DIAPH2: variants seen among roughly 807,000 people sequenced by gnomAD.
DIAPH2 encodes protein diaphanous homolog 2.
In DIAPH2, 35 loss-of-function variants were observed where a neutral mutation model predicts 92.7. That is an observed-to-expected ratio of 0.38 (90% CI 0.29 to 0.50). DIAPH2 has a LOEUF of 0.50. Ranked by LOEUF, DIAPH2 falls within the 20% of genes least tolerant of loss-of-function variation. DIAPH2 has a pLI of 0.94. For missense variants in DIAPH2, 701 were observed against 819.5 expected (o/e 0.86, Z 1.77); for synonymous variants, 301 against 280.4 (o/e 1.07, Z -0.73).
At chrX:97,456,468 C>A (rs1160931893) in intron 26 of DIAPH2, among the ~76,000 whole-genome samples, 2 of 111,213 alleles carry the variant, frequency 1.8e-5, no homozygotes, top group Non-Finnish European at 3.8e-5. Context: ...TATCCTATGT[C>A]TAGCTGGGGA....
At chrX:97,585,078 T>C (rs1216788888) in intron 26 of DIAPH2, among the ~76,000 whole-genome samples, 4 of 111,856 alleles carry the variant, frequency 3.6e-5, no homozygotes, top group African/African-American at 9.8e-5. Flanking sequence ...TTACGTAATA[T>C]AAAAGCAAAT....
At chrX:97,599,043 A>T (rs1460152507) in intron 26 of DIAPH2, among the ~76,000 whole-genome samples, 1 of 112,252 alleles carries the variant, frequency 8.9e-6, no homozygotes, top group Non-Finnish European at 1.9e-5. Flanking sequence ...TTACCAAGAA[A>T]AGTCATTTAT....
chrX:96,964,537 C>G lies in DIAPH2; in HGVS notation c.1936-556C>G, dbSNP rs1024591502. Among the ~76,000 whole-genome samples, 4 of 111,813 alleles carry G rather than the reference C, an allele frequency of 3.6e-5. No homozygotes were observed. The Admixed American group carries it at 3.8e-4, about 11-fold the overall frequency. On this transcript the variant is annotated intron_variant, in intron 16 of 26. Transcript: ENST00000324765. ...TTTAAAATCCCAGCTCTGCCATTTA[C>G]TAATTTGGGCAGCCACTTAAACTTT...
intron 22 of DIAPH2, among the ~76,000 whole-genome samples, chrX:97,176,873 C>T (rs2067496852): frequency 8.9e-6 from 1 of 111,835 alleles, no homozygotes; most frequent in East Asian, 2.8e-4. Flanking sequence ...TTCGTGGATG[C>T]TCAAGTTCTT....
At chrX:97,034,595 T>C (rs1305244360) in intron 17 of DIAPH2, among the ~76,000 whole-genome samples, 1 of 110,877 alleles carries the variant, frequency 9.0e-6, no homozygotes, top group Non-Finnish European at 1.9e-5. Flanking sequence ...ACTACCATCA[T>C]GTAACGATTT....
chrX:97,372,329 A>C (rs1356720654), intron 24 of DIAPH2, among the ~76,000 whole-genome samples: 1 of 112,494 alleles, frequency 8.9e-6, no homozygotes, highest in East Asian at 2.8e-4. Context: ...TCTTGTTTTT[A>C]ATAATTCACC....
intron 5 of DIAPH2, chrX:96,884,448 T>A (rs770578349): frequency 8.3e-7 from 1 of 1,211,323 alleles, no homozygotes; most frequent in Non-Finnish European, 1.1e-6. Context: ...TTCAGGACGT[T>A]GTACCGTGTA....
chrX:96,815,038 G>A (rs772544443), intron 4 of DIAPH2, among the ~76,000 whole-genome samples: 5 of 112,369 alleles, frequency 4.4e-5, no homozygotes, highest in East Asian at 2.8e-4. Context: ...TCAAACCTCC[G>A]TGCTGGGAGA....
At chrX:96,790,314 G>T (rs866486772) in intron 4 of DIAPH2, among the ~76,000 whole-genome samples, 109 of 110,461 alleles carry the variant, frequency 9.9e-4, no homozygotes, top group African/African-American at 3.4e-3. Context: ...CAGGTGATCC[G>T]CCTGCCTCGG....
intron 23 of DIAPH2, among the ~76,000 whole-genome samples, chrX:97,254,684 C>CTTTAT (rs933240654): frequency 9.2e-6 from 1 of 108,752 alleles, no homozygotes; most frequent in Non-Finnish European, 1.9e-5. Context: ...CTATTACTAA[C>CTTTAT]TTTATTTTAT....
chrX:97,221,378 T>C (rs962731042), intron 22 of DIAPH2, among the ~76,000 whole-genome samples: 4 of 112,039 alleles, frequency 3.6e-5, no homozygotes, highest in African/African-American at 1.3e-4. Flanking sequence ...ATATAAAATA[T>C]AAAATAGCAT....
intron 1 of DIAPH2, among the ~76,000 whole-genome samples, chrX:96,698,662 G>A (rs1056871752): frequency 2.8e-5 from 3 of 108,989 alleles, no homozygotes; most frequent in Non-Finnish European, 5.7e-5. Context: ...AATAGATTAC[G>A]AATATACCAG....
chrX:97,014,311 G>A (rs1214063712), intron 17 of DIAPH2, among the ~76,000 whole-genome samples: 1 of 111,697 alleles, frequency 9.0e-6, no homozygotes, highest in African/African-American at 3.3e-5. Context: ...GAATATCTGC[G>A]AACCAGGTTG....
chrX:97,264,791 C>T (rs897237076), intron 23 of DIAPH2, among the ~76,000 whole-genome samples: 1 of 111,488 alleles, frequency 9.0e-6, no homozygotes, highest in African/African-American at 3.3e-5. Flanking sequence ...CAATACCAGC[C>T]TGGCCAAGAT....
At chrX:97,066,644 A>G (rs770763266) in intron 17 of DIAPH2, among the ~76,000 whole-genome samples, 6 of 112,157 alleles carry the variant, frequency 5.3e-5, no homozygotes, top group Non-Finnish European at 7.5e-5. Context: ...CCTTCCTAAA[A>G]TATGCATTAC....
At chrX:96,749,469 T>G (rs1188511079) in intron 3 of DIAPH2, among the ~76,000 whole-genome samples, 1 of 110,852 alleles carries the variant, frequency 9.0e-6, no homozygotes, top group Non-Finnish European at 1.9e-5. Context: ...ATTTCTCTCA[T>G]AATTGAAACA....
chrX:96,920,217 T>C (rs143710085), intron 9 of DIAPH2, among the ~76,000 whole-genome samples: 3,558 of 111,284 alleles, frequency 0.032, 163 homozygotes, highest in African/African-American at 0.11. Context: ...ACATTGTTTC[T>C]TATAAAATTT....
At chrX:97,212,389 G>T (rs2067847244) in intron 22 of DIAPH2, among the ~76,000 whole-genome samples, 1 of 106,270 alleles carries the variant, frequency 9.4e-6, no homozygotes, top group Non-Finnish European at 2.0e-5. Flanking sequence ...TTGAGAAAAA[G>T]ATATGTTAGA....
At chrX:96,986,304 G>A (rs1282909235) in intron 17 of DIAPH2, among the ~76,000 whole-genome samples, 1 of 111,690 alleles carries the variant, frequency 9.0e-6, no homozygotes, top group Non-Finnish European at 1.9e-5. Flanking sequence ...CAAAAAGGAG[G>A]TTATATAAAA....
Sources: allele counts gnomAD v4.1 joint callset (sites outside exome capture counted in the v4.1 genomes callset), GRCh38; gene constraint gnomAD v4.1.1; transcripts MANE v1.5; gene names NCBI Gene and HGNC (gene_info 2026-07-23, HGNC 2026-07-21).